Variants in PRSS55 observed in about 807,000 individuals in gnomAD.
The protein encoded by PRSS55 is serine protease 55.
Under a neutral mutation model 23.6 loss-of-function variants are expected in PRSS55, and 41 were observed. The ratio of observed to expected loss-of-function variants is 1.74; its 90% CI spans 1.35 to 2.26. The LOEUF (loss-of-function observed/expected upper bound fraction) is 2.26, where lower values mean the gene tolerates loss of function less well. PRSS55 is among the 30% of genes most tolerant of loss of function. The probability of loss-of-function intolerance (pLI) is 0.00; values close to 1 mark genes in which losing one functional copy is unlikely to be tolerated. For synonymous variants in PRSS55, 262 were observed against 175.5 expected, an observed-to-expected ratio of 1.49 and a Z score of -3.90; for missense variants, 669 against 439.1, an observed-to-expected ratio of 1.52 and a Z score of -4.68.
At chr8:10,546,811 G>C (rs28622013) in intron 4 of PRSS55, among the ~76,000 whole-genome samples, 4,636 of 152,116 alleles carry the variant, frequency 0.03, 243 homozygotes, top group African/African-American at 0.11. Context: ...CACCTCCTGA[G>C]TAGCTGATTG....
At chr8:10,539,196 A>C (rs982985645), downstream of PRSS55, among the ~76,000 whole-genome samples, 3 of 152,180 alleles carry the variant, frequency 2.0e-5, no homozygotes, top group African/African-American at 7.2e-5. Context: ...GGTGATGAGA[A>C]CAAAGAATTC....
rs145644962 is a variant in PRSS55 at position 10,531,538 on chromosome 8, C to T, written c.591C>T (p.Thr197=). Residue 197 remains threonine (T), a synonymous_variant, in exon 3 of 5, where the codon ACC becomes ACT. Coordinates refer to ENST00000328655, the MANE Select transcript of PRSS55 (RefSeq NM_198464.4). The part of the protein sequence containing the change: ...RECWVAGWGQ[T]NAADKNSVKT... ...GCTGGGTGGCAGGTTGGGGCCAGAC[C>T]AATGCTGGTATGTGACTGCTCAGCT... The T allele has an allele frequency of 1.4e-5, 23 of 1,613,428 alleles. No homozygotes were observed. Among genetic ancestry groups the T allele is most frequent in the Non-Finnish European group, 1.9e-5 (22 of 1,180,040 alleles).
intron 1 of PRSS55, 39 bp from the exon 2 acceptor site, chr8:10,529,468 G>A (rs1181934694): frequency 1.2e-6 from 2 of 1,602,458 alleles, no homozygotes; most frequent in Admixed American, 3.3e-5. Context: ...CTGACTAAGT[G>A]TTTCCCCTTT....
intron 4 of PRSS55, among the ~76,000 whole-genome samples, chr8:10,548,882 T>TGGCCAGCCC (rs2117082959): frequency 6.6e-6 from 1 of 151,960 alleles, no homozygotes; most frequent in African/African-American, 2.4e-5. Context: ...GGAGACAGAC[T>TGGCCAGCCC]AGGAATGGCC....
intron 4 of PRSS55, among the ~76,000 whole-genome samples, chr8:10,544,272 G>A (rs761491381): frequency 3.9e-5 from 6 of 152,068 alleles, no homozygotes; most frequent in Admixed American, 1.3e-4. Context: ...ATTATAAAAT[G>A]TCTCCCTTTA....
At chr8:10,530,888 A>C (rs1289721927) in intron 2 of PRSS55, among the ~76,000 whole-genome samples, 1 of 152,120 alleles carries the variant, frequency 6.6e-6, no homozygotes, top group Non-Finnish European at 1.5e-5. Flanking sequence ...CTGAGTTTCT[A>C]AAGTGCTGGT....
chr8:10,548,467 C>A (rs576329176), intron 4 of PRSS55, among the ~76,000 whole-genome samples: 1 of 152,246 alleles, frequency 6.6e-6, no homozygotes, highest in African/African-American at 2.4e-5. Context: ...GGCCCTGGGC[C>A]CAGGCATTGC....
intron 3 of PRSS55, among the ~76,000 whole-genome samples, chr8:10,532,211 T>C (rs761380275): frequency 3.4e-4 from 51 of 152,142 alleles, no homozygotes; most frequent in Non-Finnish European, 5.3e-4. Flanking sequence ...TTCAGGAGTT[T>C]AGCAACCAGA....
At chr8:10,536,129 T>A (rs2117042708) in intron 4 of PRSS55, among the ~76,000 whole-genome samples, 1 of 152,220 alleles carries the variant, frequency 6.6e-6, no homozygotes, top group Non-Finnish European at 1.5e-5. Context: ...GAGCTTGCAG[T>A]GAGCCCAGAC....
intron 4 of PRSS55, among the ~76,000 whole-genome samples, chr8:10,548,174 G>A (rs1812864789): frequency 6.6e-6 from 1 of 152,150 alleles, no homozygotes; most frequent in African/African-American, 2.4e-5. Context: ...GGGCTTTGGA[G>A]AGGGGGCTCA....
intron 4 of PRSS55, 64 bp downstream of exon 4, chr8:10,533,112 G>T (rs984757452): frequency 3.2e-6 from 5 of 1,539,188 alleles, no homozygotes; most frequent in Non-Finnish European, 4.5e-6. Flanking sequence ...CCAGTGCAAG[G>T]GTATTCTCTC....
At chr8:10,552,181 C>T (rs970141657) in intron 4 of PRSS55, among the ~76,000 whole-genome samples, 1 of 152,204 alleles carries the variant, frequency 6.6e-6, no homozygotes. Context: ...CGCTGGGATC[C>T]ATTTGACTGA....
Position 10,538,790 on chromosome 8 carries a change from C to A in PRSS55, c.1056C>A (p.Tyr352Ter). 1 of 1,555,172 alleles carries A rather than the reference C, an allele frequency of 6.4e-7. No individual in the cohort carries two copies. Among genetic ancestry groups the A allele is most frequent in the Non-Finnish European group, 8.7e-7 (1 of 1,154,356 alleles). ...ATGTGTTGTTCAGAGCTATTTTGTA[C>A]TGATAATAAAATAGAGGCTATTCTT... ...LSHVLFRAIL[Y>*] The change falls in exon 5 of 5, where the codon TAC becomes TAA. Residue 352 changes from tyrosine to a stop codon, truncating the protein, a stop_gained. Transcript: ENST00000328655. LOFTEE classifies it high-confidence loss of function.
At chr8:10,528,947 T>C (rs1362961548) in intron 1 of PRSS55, among the ~76,000 whole-genome samples, 1 of 152,206 alleles carries the variant, frequency 6.6e-6, no homozygotes, top group Non-Finnish European at 1.5e-5. Context: ...CTTCTCCCTC[T>C]GCCTGACTTC....
At chr8:10,547,566 C>G (rs1250549159) in intron 4 of PRSS55, 1 of 152,830 alleles carries the variant, frequency 6.5e-6, no homozygotes, top group Non-Finnish European at 1.5e-5. Flanking sequence ...CCCTGGGCCT[C>G]CCGGTGCTCT....
Position 10,525,533 on chromosome 8 carries a change from C to T in PRSS55, c.-53C>T. The T allele has an allele frequency of 1.3e-6, 2 of 1,576,600 alleles. No homozygotes were observed. The highest frequency in any genetic ancestry group is 1.7e-6 in the Non-Finnish European group (2 of 1,155,660). On this transcript the variant is annotated 5_prime_UTR_variant, in exon 1 of 5. Transcript: ENST00000328655. ...TCTGAGCTGGAGGCTCTCAGCCTCA[C>T]TGCCTCAGCCCTGGCCTCTGTCACC...
intron 4 of PRSS55, among the ~76,000 whole-genome samples, chr8:10,548,826 A>G (rs957597623): frequency 3.3e-5 from 5 of 152,078 alleles, no homozygotes; most frequent in African/African-American, 1.2e-4. Context: ...CTTTTATTAA[A>G]GCATCTCCCG....
intron 3 of PRSS55, among the ~76,000 whole-genome samples, chr8:10,532,649 G>C (rs920605012): frequency 6.6e-6 from 1 of 152,214 alleles, no homozygotes; most frequent in Admixed American, 6.5e-5. Flanking sequence ...GGGCTGACTG[G>C]GGTCAAGTTG....
downstream of PRSS55, among the ~76,000 whole-genome samples, chr8:10,543,690 C>G (rs1464540077): frequency 6.8e-6 from 1 of 146,328 alleles, no homozygotes; most frequent in Non-Finnish European, 1.5e-5. Flanking sequence ...ATTTCCATCT[C>G]AGTGCTGCTT....
Sources: allele counts gnomAD v4.1 joint callset (sites outside exome capture counted in the v4.1 genomes callset), GRCh38; gene constraint gnomAD v4.1.1; transcripts MANE v1.5; gene names NCBI Gene and HGNC (gene_info 2026-07-23, HGNC 2026-07-21).